DPP10: variants seen among roughly 807,000 people sequenced by gnomAD.
DPP10 encodes dipeptidyl peptidase like 10.
DPP10 carries 33 observed loss-of-function variants against 120.9 expected under a neutral mutation model. The ratio of observed to expected loss-of-function variants is 0.27; its 90% CI spans 0.21 to 0.37. DPP10 has a LOEUF of 0.37. Ranked by LOEUF, DPP10 falls within the 10% of genes least tolerant of loss-of-function variation. The pLI, the probability that DPP10 is intolerant of heterozygous loss-of-function variation, is 1.00. For missense variants in DPP10, 816 were observed against 942.8 expected (o/e 0.87, Z 1.76); for synonymous variants, 337 against 326.1 (o/e 1.03, Z -0.36).
intron 1 of DPP10, chr2:115,050,333 G>A (rs1705377760): frequency 6.6e-6 from 1 of 152,098 alleles, no homozygotes; most frequent in African/African-American, 2.4e-5. Flanking sequence ...GGTAATCAGT[G>A]CTGGAGGGAG....
chr2:115,634,365 C>G (rs1203982065), intron 5 of DPP10, among the ~76,000 whole-genome samples: 1 of 152,190 alleles, frequency 6.6e-6, no homozygotes, highest in African/African-American at 2.4e-5. Flanking sequence ...ACAGAAGCTG[C>G]TGACCTTTGG....
intron 3 of DPP10, among the ~76,000 whole-genome samples, chr2:115,459,692 T>C (rs2073863815): frequency 6.6e-6 from 1 of 151,998 alleles, no homozygotes; most frequent in Non-Finnish European, 1.5e-5. Flanking sequence ...AAAGATATTG[T>C]AAACATCAAA....
chr2:115,828,777 C>T (rs1688633044), intron 21 of DPP10, among the ~76,000 whole-genome samples: 1 of 152,072 alleles, frequency 6.6e-6, no homozygotes, highest in South Asian at 2.1e-4. Context: ...AATCTCATTT[C>T]TGCTGCTTCA....
At chr2:115,125,677 T>C (rs2050042221) in intron 1 of DPP10, among the ~76,000 whole-genome samples, 1 of 148,896 alleles carries the variant, frequency 6.7e-6, no homozygotes, top group Non-Finnish European at 1.5e-5. Context: ...GTTCACGCCA[T>C]TCTCCTGCCT....
At chr2:114,890,065 T>C (rs537482214) in intron 1 of DPP10, among the ~76,000 whole-genome samples, 1 of 152,320 alleles carries the variant, frequency 6.6e-6, no homozygotes, top group Admixed American at 6.5e-5. Context: ...ATGTCTCCTT[T>C]CGTCACAGAT....
Position 115,771,324 on chromosome 2 carries a change from T to C in DPP10, c.1221+2920T>C, listed in dbSNP as rs528276742. On this transcript the variant is annotated intron_variant, in intron 13 of 25. Coordinates refer to ENST00000410059, the MANE Select transcript of DPP10 (RefSeq NM_020868.6). ...TCTGACATCAGGTGATCCACCTGCT[T>C]CAGCCTCCCAAACTGCTGGGATTAC... Among the ~76,000 whole-genome samples, 223 of 152,218 alleles carry C rather than the reference T, an allele frequency of 1.5e-3. 1 individual carries two copies. Among genetic ancestry groups the C allele is most frequent in the Middle Eastern group, 3.4e-3 (1 of 294 alleles).
chr2:115,325,048 TGATCACA>T (rs1223092103), intron 2 of DPP10, among the ~76,000 whole-genome samples: 5 of 152,208 alleles, frequency 3.3e-5, no homozygotes, highest in Admixed American at 2.6e-4. Context: ...CAAAGATCCC[TGATCACA>T]GATCACCGTA....
At chr2:115,133,145 G>GTGTATATATATATATA (rs1338395575) in intron 1 of DPP10, among the ~76,000 whole-genome samples, 54 of 28,756 alleles carry the variant, frequency 1.9e-3, no homozygotes, top group African/African-American at 4.2e-3. Context: ...GTGTGTGTGT[G>GTGTATATATATATATA]TATATATATA....
intron 5 of DPP10, among the ~76,000 whole-genome samples, chr2:115,582,465 G>C (rs774313175): frequency 1.3e-5 from 2 of 152,092 alleles, no homozygotes; most frequent in Non-Finnish European, 2.9e-5. Context: ...CCTTTCCCTG[G>C]CACCAGCTGC....
At chr2:115,007,874 G>C (rs144044809) in intron 1 of DPP10, among the ~76,000 whole-genome samples, 14 of 150,676 alleles carry the variant, frequency 9.3e-5, no homozygotes, top group African/African-American at 3.2e-4. Flanking sequence ...TTACAAGGGA[G>C]GTGAAGGACC....
At chr2:114,941,950 T>C (rs1262973953) in intron 1 of DPP10, among the ~76,000 whole-genome samples, 1 of 152,012 alleles carries the variant, frequency 6.6e-6, no homozygotes, top group Non-Finnish European at 1.5e-5. Context: ...TCATATGACC[T>C]CTGTTCTGAA....
In DPP10 at chr2:115,525,986, C is replaced by A. The variant is rs1323018256; in HGVS notation, c.441+14C>A. On this transcript the variant is annotated intron_variant, in intron 5 of 25. Coordinates refer to ENST00000410059, the MANE Select transcript of DPP10 (RefSeq NM_020868.6). Reference sequence around the variant, plus strand: ...GATGTCAAACAGGTAAAGGAGTGATCTTCTTTGAGAATACTTTTCTTTGTG... The same window carrying A: ...GATGTCAAACAGGTAAAGGAGTGATATTCTTTGAGAATACTTTTCTTTGTG... The A allele has an allele frequency of 1.9e-6, 3 of 1,591,812 alleles. No homozygotes were observed. The highest frequency in any genetic ancestry group is 2.6e-6 in the Non-Finnish European group (3 of 1,168,662).
At chr2:115,295,633 T>C (rs1056129889) in intron 1 of DPP10, among the ~76,000 whole-genome samples, 9 of 152,120 alleles carry the variant, frequency 5.9e-5, no homozygotes, top group Admixed American at 5.2e-4. Context: ...ATTAACACTT[T>C]TAATGGCAAA....
intron 5 of DPP10, among the ~76,000 whole-genome samples, chr2:115,575,786 A>G (rs2081617630): frequency 6.6e-6 from 1 of 152,170 alleles, no homozygotes; most frequent in South Asian, 2.1e-4. Context: ...GCCTAATGTA[A>G]TCATATGGAC....
chr2:114,704,170 T>C (rs1167628213), intron 1 of DPP10, among the ~76,000 whole-genome samples: 4 of 152,092 alleles, frequency 2.6e-5, no homozygotes, highest in Non-Finnish European at 5.9e-5. Flanking sequence ...AAATGCAATC[T>C]AGATAAAGAT....
At chr2:115,024,534 A>G (rs1016488838) in intron 1 of DPP10, among the ~76,000 whole-genome samples, 4 of 151,520 alleles carry the variant, frequency 2.6e-5, no homozygotes, top group African/African-American at 9.7e-5. Flanking sequence ...TAACAGATGC[A>G]CATGTTTTCA....
intron 1 of DPP10, among the ~76,000 whole-genome samples, chr2:115,026,259 T>C (rs575745306): frequency 6.6e-6 from 1 of 152,286 alleles, no homozygotes; most frequent in East Asian, 1.9e-4. Context: ...ATTCAGCTTT[T>C]GAAGCACCAT....
At chr2:115,690,060 T>A in intron 7 of DPP10, 139 bp downstream of exon 7, 1 of 713,464 alleles carries the variant, frequency 1.4e-6, no homozygotes, top group Non-Finnish European at 2.3e-6. Context: ...ATCTTTTATC[T>A]AATAGTCCAA....
chr2:115,022,107 A>G (rs1703119125), intron 1 of DPP10, among the ~76,000 whole-genome samples: 1 of 152,128 alleles, frequency 6.6e-6, no homozygotes, highest in African/African-American at 2.4e-5. Context: ...CTGAAACATA[A>G]TAAGGATGCC....
Sources: allele counts gnomAD v4.1 joint callset (sites outside exome capture counted in the v4.1 genomes callset), GRCh38; gene constraint gnomAD v4.1.1; transcripts MANE v1.5; gene names NCBI Gene and HGNC (gene_info 2026-07-23, HGNC 2026-07-21).